Variants in FANCL observed in about 807,000 individuals in gnomAD.
The protein encoded by FANCL is FA complementation group L.
FANCL carries 69 observed loss-of-function variants against 59.4 expected under a neutral mutation model. That is an observed-to-expected ratio of 1.16 (90% confidence interval 0.96 to 1.42). The LOEUF (loss-of-function observed/expected upper bound fraction) is 1.42, where lower values mean the gene tolerates loss of function less well. Ranked by LOEUF, FANCL falls within the 40% of genes most tolerant of loss-of-function variation. The pLI is 0.00. For synonymous variants in FANCL, 180 were observed against 147.1 expected (o/e 1.22, Z -1.62); for missense variants, 519 against 447.2 (o/e 1.16, Z -1.45).
intron 7 of FANCL, among the ~76,000 whole-genome samples, chr2:58,184,162 G>A (rs1688184902): frequency 6.6e-6 from 1 of 151,886 alleles, no homozygotes; most frequent in African/African-American, 2.4e-5. Flanking sequence ...TGTTTATAAA[G>A]AGATTTTAAC....
chr2:58,193,538 A>C (rs1487763080), intron 7 of FANCL, among the ~76,000 whole-genome samples: 1 of 152,150 alleles, frequency 6.6e-6, no homozygotes, highest in Admixed American at 6.6e-5. Flanking sequence ...AATCTCAATA[A>C]TAAATTTTCT....
At chr2:58,230,454 C>G (rs536242024) in intron 2 of FANCL, among the ~76,000 whole-genome samples, 7 of 152,104 alleles carry the variant, frequency 4.6e-5, no homozygotes, top group African/African-American at 1.7e-4. Context: ...AGACACCCAC[C>G]ACCAAGCCTG....
chr2:58,203,658 C>A (rs184507342), intron 6 of FANCL, among the ~76,000 whole-genome samples: 12 of 152,060 alleles, frequency 7.9e-5, no homozygotes, highest in Admixed American at 2.6e-4. Flanking sequence ...ACTTAAAAAA[C>A]CCCAGCCAAA....
intron 13 of FANCL, 149 bp downstream of exon 13, chr2:58,159,959 G>A (rs1684861366): frequency 6.6e-7 from 1 of 1,525,480 alleles, no homozygotes; most frequent in African/African-American, 1.4e-5. Context: ...GGAGTTTAAT[G>A]TTTTTGATCA....
At chr2:58,228,751 C>G (rs1404929676) in intron 3 of FANCL, among the ~76,000 whole-genome samples, 2 of 152,128 alleles carry the variant, frequency 1.3e-5, no homozygotes, top group Non-Finnish European at 2.9e-5. Context: ...AAGACTTTAA[C>G]ACTGGGTTCT....
intron 7 of FANCL, among the ~76,000 whole-genome samples, chr2:58,180,904 T>C (rs529058523): frequency 2.2e-4 from 34 of 152,160 alleles, no homozygotes; most frequent in Non-Finnish European, 4.7e-4. Flanking sequence ...ATTAATGAGA[T>C]AACATTAAAA....
intron 11 of FANCL, 41 bp downstream of exon 11, chr2:58,162,825 T>C (rs1453366118): frequency 3.3e-6 from 5 of 1,522,154 alleles, no homozygotes; most frequent in African/African-American, 1.4e-5. Context: ...AACTTCATTA[T>C]GCAATACTGT....
chr2:58,226,297 C>A (rs926107823), intron 4 of FANCL, among the ~76,000 whole-genome samples: 3 of 152,092 alleles, frequency 2.0e-5, no homozygotes, highest in African/African-American at 7.2e-5. Flanking sequence ...TTATGCAACA[C>A]TGATTAAACA....
At chr2:58,186,717 T>C (rs919912301) in intron 7 of FANCL, among the ~76,000 whole-genome samples, 3 of 152,278 alleles carry the variant, frequency 2.0e-5, no homozygotes, top group Middle Eastern at 3.4e-3. Flanking sequence ...ACAAGCATCC[T>C]TGGTCTTACA....
At chr2:58,181,820 T>A (rs1004474086) in intron 7 of FANCL, among the ~76,000 whole-genome samples, 9 of 151,884 alleles carry the variant, frequency 5.9e-5, no homozygotes, top group Non-Finnish European at 1.2e-4. Context: ...TGATATAAAT[T>A]ACGTATGAGT....
At chr2:58,217,215 TACACACACACACACACACACACACAC>T (rs368257506) in intron 5 of FANCL, among the ~76,000 whole-genome samples, 1 of 20,860 alleles carries the variant, frequency 4.8e-5, no homozygotes, top group African/African-American at 1.9e-4. Flanking sequence ...TATATATATA[TACACACACACACACACACACACACAC>T]ACATATATAT....
chr2:58,165,368 G>A (rs1685792334), intron 8 of FANCL, among the ~76,000 whole-genome samples: 1 of 152,146 alleles, frequency 6.6e-6, no homozygotes, highest in Admixed American at 6.6e-5. Flanking sequence ...AATCTGAGAA[G>A]ATTGTAAGCT....
chr2:58,229,281 T>G (rs1038186665), intron 3 of FANCL, among the ~76,000 whole-genome samples: 4 of 152,124 alleles, frequency 2.6e-5, no homozygotes, highest in Non-Finnish European at 4.4e-5. Flanking sequence ...AGTAACTGAT[T>G]TTTTTTTCTA....
chr2:58,235,045 T>C (rs886748252), intron 1 of FANCL, among the ~76,000 whole-genome samples: 5 of 151,834 alleles, frequency 3.3e-5, no homozygotes, highest in African/African-American at 1.2e-4. Flanking sequence ...GGCTGCAAGA[T>C]AGGGATGGAC....
chr2:58,204,061 G>A (rs1216079091), intron 6 of FANCL, 69 bp downstream of exon 6: 3 of 1,146,940 alleles, frequency 2.6e-6, no homozygotes, highest in East Asian at 2.3e-5. Flanking sequence ...TCTTTACATT[G>A]AGAGCATTCA....
Position 58,164,595 on chromosome 2 carries a change from AAAG to A in FANCL, c.692-1081_692-1079del, listed in dbSNP as rs199686678. ...AAGCAAATCATGCCTGGAGGAGAAA[AAAG>A]AAGCTAAAAGGTAAATAGGGAATGA... On this transcript the variant is annotated intron_variant, in intron 8 of 13. Transcript: ENST00000233741. Among the ~76,000 whole-genome samples the A allele has an allele frequency of 0.01, 1,578 of 152,142 alleles. 17 individuals are homozygous for A. Among genetic ancestry groups the A allele is most frequent in the South Asian group, 0.025 (120 of 4,818 alleles).
At chr2:58,181,153 GT>G (rs1376815371) in intron 7 of FANCL, among the ~76,000 whole-genome samples, 1 of 152,078 alleles carries the variant, frequency 6.6e-6, no homozygotes, top group Non-Finnish European at 1.5e-5. Flanking sequence ...CAGTCCAGAT[GT>G]TTGTCAACAG....
chr2:58,234,555 A>G, intron 1 of FANCL, among the ~76,000 whole-genome samples: 1 of 151,796 alleles, frequency 6.6e-6, no homozygotes, highest in East Asian at 1.9e-4. Context: ...AGATCTTGGA[A>G]AGAAAAATAA....
At chr2:58,211,687 G>A (rs1386433409) in intron 5 of FANCL, among the ~76,000 whole-genome samples, 1 of 152,132 alleles carries the variant, frequency 6.6e-6, no homozygotes, top group Non-Finnish European at 1.5e-5. Flanking sequence ...ATGTTTTGCT[G>A]CTTAGAAATT....
Sources: allele counts gnomAD v4.1 joint callset (sites outside exome capture counted in the v4.1 genomes callset), GRCh38; gene constraint gnomAD v4.1.1; transcripts MANE v1.5; gene names NCBI Gene and HGNC (gene_info 2026-07-23, HGNC 2026-07-21).